UBE4A: variants seen among roughly 807,000 people sequenced by gnomAD.
UBE4A encodes the protein ubiquitination factor E4A, also known as ubiquitin conjugation factor E4 A.
UBE4A carries 48 observed loss-of-function variants against 117.9 expected under a neutral mutation model. The observed-to-expected ratio is 0.41, with a 90% CI of 0.32 to 0.52. The LOEUF (loss-of-function observed/expected upper bound fraction) is 0.52. UBE4A is among the 20% of genes least tolerant of loss of function. The probability of loss-of-function intolerance (pLI) is 0.33; values close to 1 mark genes in which losing one functional copy is unlikely to be tolerated. For synonymous variants in UBE4A, 407 were observed against 450.0 expected, an observed-to-expected ratio of 0.90 and a Z score of 1.21; for missense variants, 1,067 against 1,296.3, an observed-to-expected ratio of 0.82 and a Z score of 2.72.
rs781939718 is a variant in UBE4A at position 118,392,926 on chromosome 11, C to CATAT, written c.3074+40_3074+43dup. On this transcript the variant is annotated intron_variant, in intron 19 of 19. Transcript: ENST00000252108. ...CCAGTCCCAAAAACAGACTCAAGAGCATATATATATATTAGTTTGCTATCT... is the reference window on the plus strand; with the variant it reads ...CCAGTCCCAAAAACAGACTCAAGAGCATATATATATATATATTAGTTTGCTATCT... 2.9e-5 allele frequency: 46 copies of CATAT among 1,599,564 alleles called. No individual in the cohort carries two copies. The South Asian group carries it at 4.7e-4, about 16-fold the overall frequency.
rs374758934 is a variant in UBE4A at position 118,392,785 on chromosome 11, C to T, written c.2964C>T (p.Ala988=). The T allele has an allele frequency of 2.5e-4, 403 of 1,614,020 alleles. No homozygotes were observed. Among genetic ancestry groups the T allele is most frequent in the Non-Finnish European group, 3.3e-4 (386 of 1,180,024 alleles). Reference sequence around the variant, plus strand: ...AGGAAGAGGAAACCTATGCAGATGCCTGTGATGAGTTCCTGGATCCCATTA... The same window carrying T: ...AGGAAGAGGAAACCTATGCAGATGCTTGTGATGAGTTCCTGGATCCCATTA... ...QQQEEETYAD[A]CDEFLDPIMS... Residue 988 remains alanine, a synonymous_variant, in exon 19 of 20, where the codon GCC becomes GCT. Transcript: ENST00000252108.
At chr11:118,366,636 T>A (rs1948565338) in intron 2 of UBE4A, among the ~76,000 whole-genome samples, 1 of 152,212 alleles carries the variant, frequency 6.6e-6, no homozygotes, top group Admixed American at 6.5e-5. Flanking sequence ...GTTGAGCTTA[T>A]ACTCACCACA....
intron 17 of UBE4A, 77 bp downstream of exon 17, chr11:118,389,982 G>C (rs1555127980): frequency 3.7e-6 from 5 of 1,349,770 alleles, no homozygotes; most frequent in Non-Finnish European, 5.0e-6. Context: ...ATGACTGGTT[G>C]GTAATTATGT....
intron 11 of UBE4A, among the ~76,000 whole-genome samples, chr11:118,380,140 T>TGC (rs1948690732): frequency 1.5e-5 from 1 of 65,382 alleles, no homozygotes; most frequent in Non-Finnish European, 2.9e-5. Flanking sequence ...TGTGCGTGTG[T>TGC]GTGTGTGTGT....
Position 118,375,332 on chromosome 11 carries a change from A to T in UBE4A, c.1450+103A>T, listed in dbSNP as rs1271977658. 15 of 1,188,556 alleles carry T rather than the reference A, an allele frequency of 1.3e-5. No individual in the cohort carries two copies. In the East Asian group the frequency reaches 4.0e-4, roughly 32 times the overall value. 73.6% of individuals were successfully genotyped at this position (1,188,556 alleles called of 1,614,324 possible). On this transcript the variant is annotated intron_variant, in intron 9 of 19. Coordinates refer to ENST00000252108, the MANE Select transcript of UBE4A (RefSeq NM_001204077.2). ...TTCACAGAGTTCCTTTCTCAAAAAA[A>T]GATGAGGCAGAAACGAGCTATTTCG...
chr11:118,369,962 G>A (rs913973770), intron 4 of UBE4A, among the ~76,000 whole-genome samples: 1 of 151,798 alleles, frequency 6.6e-6, no homozygotes, highest in African/African-American at 2.4e-5. Context: ...CATGGTGGTG[G>A]GCGCCTGTAG....
chr11:118,380,224 A>C (rs2134099346), intron 11 of UBE4A, among the ~76,000 whole-genome samples: 1 of 150,298 alleles, frequency 6.7e-6, no homozygotes, highest in East Asian at 2.0e-4. Context: ...TAATCAGGTT[A>C]TGTGTTCTTA....
At chr11:118,390,400 AATTT>A (rs1206395417) in intron 17 of UBE4A, among the ~76,000 whole-genome samples, 15 of 144,800 alleles carry the variant, frequency 1.0e-4, no homozygotes, top group African/African-American at 3.6e-4. Flanking sequence ...TATTATTTAT[AATTT>A]ATTATTATAT....
chr11:118,398,961 A>G lies in UBE4A; in HGVS notation c.*2521A>G, dbSNP rs1285873578. The G allele has an allele frequency of 2.3e-6, 1 of 440,816 alleles. No homozygotes were observed. The highest frequency in any genetic ancestry group is 2.0e-5 in the African/African-American group (1 of 49,626). The allele number at this position is 440,816 out of a possible 1,614,324, so 27.3% of individuals were successfully genotyped here. On this transcript the variant is annotated 3_prime_UTR_variant, in exon 20 of 20. Coordinates refer to ENST00000252108, the MANE Select transcript of UBE4A (RefSeq NM_001204077.2). ...GCTAAGCAGCCATTGCACAGAGCAT[A>G]AGTCTACTGGGTGCCTTTACATGCC... is the stretch of plus-strand genomic sequence containing the variant.
chr11:118,382,921 T>A, intron 13 of UBE4A, 145 bp downstream of exon 13: 1 of 312,540 alleles, frequency 3.2e-6, no homozygotes, highest in Non-Finnish European at 4.4e-6. Flanking sequence ...GATAAGTGCT[T>A]TTTTTTTTTT....
intron 8 of UBE4A, 144 bp downstream of exon 8, chr11:118,373,829 G>T: frequency 9.6e-7 from 1 of 1,046,194 alleles, no homozygotes; most frequent in Non-Finnish European, 1.3e-6. Context: ...AATTAAAACT[G>T]GGCATGGTAG....
Position 118,398,739 on chromosome 11 carries a change from A to G in UBE4A, c.*2299A>G, listed in dbSNP as rs1369819719. On this transcript the variant is annotated 3_prime_UTR_variant, in exon 20 of 20. Transcript: ENST00000252108. ...CTGGTATTGCTCATAACTTACCAAG[A>G]GGCTAATACTAAACTTGGAAAATTG... The G allele has an allele frequency of 6.1e-6, 1 of 165,242 alleles. No individual in the cohort carries two copies. Among genetic ancestry groups the G allele is most frequent in the African/African-American group, 2.4e-5 (1 of 41,676 alleles). 10.2% of individuals were successfully genotyped at this position (165,242 alleles called of 1,614,324 possible).
intron 1 of UBE4A, among the ~76,000 whole-genome samples, chr11:118,363,498 T>C (rs1948537883): frequency 6.6e-6 from 1 of 151,904 alleles, no homozygotes; most frequent in Non-Finnish European, 1.5e-5. Context: ...GTGGAAAAAA[T>C]GGCAGAGGAG....
chr11:118,375,222 CATG>C lies in UBE4A; in HGVS notation c.1445_1447del (p.Met482del). The C allele has an allele frequency of 1.2e-6, 2 of 1,604,386 alleles. No homozygotes were observed. The highest frequency in any genetic ancestry group is 1.7e-6 in the Non-Finnish European group (2 of 1,173,558). On this transcript the variant is annotated inframe_deletion, in exon 9 of 20. Transcript: ENST00000252108. ...AAGAACGAAAAATTAAAAATGTACA[CATG>C]AGAGGTAGGAGAGAACCAGGCTTCT...
chr11:118,380,241 G>A (rs1948692775), intron 11 of UBE4A, among the ~76,000 whole-genome samples: 1 of 151,310 alleles, frequency 6.6e-6, no homozygotes, highest in Non-Finnish European at 1.5e-5. Context: ...CTTAACCATT[G>A]TATTGGCCAT....
intron 10 of UBE4A, among the ~76,000 whole-genome samples, chr11:118,377,659 C>A (rs111430146): frequency 0.026 from 3,782 of 147,074 alleles, 73 homozygotes; most frequent in Non-Finnish European, 0.038. Flanking sequence ...TGCCTGTAAT[C>A]CTTTGCACTT....
chr11:118,369,382 A>G (rs1462877972), intron 3 of UBE4A, 41 bp from the exon 4 acceptor site: 2 of 1,456,374 alleles, frequency 1.4e-6, no homozygotes, highest in African/African-American at 2.8e-5. Context: ...TATAAAACAG[A>G]AGCATTATCC....
At chr11:118,380,151 G>A (rs1365499670) in intron 11 of UBE4A, among the ~76,000 whole-genome samples, 4 of 106,384 alleles carry the variant, frequency 3.8e-5, no homozygotes, top group African/African-American at 1.3e-4. Flanking sequence ...GTGTGTGTGT[G>A]TGTGTGTGTG....
intron 4 of UBE4A, among the ~76,000 whole-genome samples, chr11:118,369,746 G>A (rs530655753): frequency 1.8e-4 from 27 of 151,120 alleles, no homozygotes; most frequent in Admixed American, 1.3e-4. Flanking sequence ...ATCTACCATG[G>A]CCACATGCCC....
Sources: allele counts gnomAD v4.1 joint callset (sites outside exome capture counted in the v4.1 genomes callset), GRCh38; gene constraint gnomAD v4.1.1; transcripts MANE v1.5; gene names NCBI Gene and HGNC (gene_info 2026-07-23, HGNC 2026-07-21).